Variants in STAG1 observed in about 807,000 individuals in gnomAD.
STAG1 encodes STAG1 cohesin complex component.
STAG1 carries 26 observed loss-of-function variants against 170.9 expected under a neutral mutation model. The ratio of observed to expected loss-of-function variants is 0.15; its 90% confidence interval spans 0.11 to 0.21. STAG1 has a LOEUF of 0.21. Ranked by LOEUF, STAG1 falls within the 10% of genes least tolerant of loss-of-function variation. The probability of loss-of-function intolerance (pLI) is 1.00; values close to 1 mark genes in which losing one functional copy is unlikely to be tolerated. For missense variants in STAG1, 964 were observed against 1,509.5 expected (o/e 0.64, Z 5.99); for synonymous variants, 514 against 497.7 (o/e 1.03, Z -0.44).
intron 1 of STAG1, among the ~76,000 whole-genome samples, chr3:136,705,565 C>T (rs375802345): frequency 1.3e-5 from 2 of 152,068 alleles, no homozygotes; most frequent in Non-Finnish European, 2.9e-5. Context: ...GTAATTGAAT[C>T]ATGGGGGTGG....
intron 1 of STAG1, among the ~76,000 whole-genome samples, chr3:136,707,514 G>A (rs1232099658): frequency 6.6e-6 from 1 of 152,162 alleles, no homozygotes; most frequent in Non-Finnish European, 1.5e-5. Flanking sequence ...TTAGAATAGG[G>A]TATTAGTCCA....
intron 1 of STAG1, among the ~76,000 whole-genome samples, chr3:136,740,515 T>G (rs940404270): frequency 2.6e-5 from 4 of 152,138 alleles, no homozygotes; most frequent in Admixed American, 1.3e-4. Context: ...GAGTCTCACT[T>G]TGTCACCCAG....
At chr3:136,432,540 C>T (rs777679111) in intron 16 of STAG1, among the ~76,000 whole-genome samples, 3 of 146,646 alleles carry the variant, frequency 2.0e-5, no homozygotes, top group Non-Finnish European at 4.5e-5. Context: ...CAGAGTCTTG[C>T]TCTGTCACCC....
At chr3:136,714,985 T>C (rs1429792946) in intron 1 of STAG1, among the ~76,000 whole-genome samples, 3 of 110,296 alleles carry the variant, frequency 2.7e-5, no homozygotes, top group African/African-American at 8.9e-5. Flanking sequence ...TATTTTTATA[T>C]ATATATTTTA....
intron 6 of STAG1, among the ~76,000 whole-genome samples, chr3:136,522,305 G>C (rs1241978392): frequency 6.6e-6 from 1 of 152,156 alleles, no homozygotes; most frequent in Non-Finnish European, 1.5e-5. Context: ...CCCAAGAACA[G>C]GTAACAAAAA....
At chr3:136,708,756 G>A (rs1373389380) in intron 1 of STAG1, among the ~76,000 whole-genome samples, 1 of 152,054 alleles carries the variant, frequency 6.6e-6, no homozygotes, top group Admixed American at 6.6e-5. Flanking sequence ...TAGGTGCTTA[G>A]TTTCACCCCT....
intron 4 of STAG1, among the ~76,000 whole-genome samples, chr3:136,585,573 G>A (rs1937774245): frequency 6.6e-6 from 1 of 151,408 alleles, no homozygotes; most frequent in South Asian, 2.1e-4. Flanking sequence ...CTCCAGCCTG[G>A]GTGACAGAGT....
intron 6 of STAG1, among the ~76,000 whole-genome samples, chr3:136,522,921 T>A (rs190131313): frequency 1.2e-4 from 19 of 152,120 alleles, no homozygotes; most frequent in African/African-American, 4.6e-4. Context: ...TGGCTGCATA[T>A]TATTCCACAG....
intron 1 of STAG1, among the ~76,000 whole-genome samples, chr3:136,712,950 G>C (rs1943424691): frequency 6.6e-6 from 1 of 152,112 alleles, no homozygotes; most frequent in Admixed American, 6.5e-5. Context: ...AATTAGCCAG[G>C]CACAGTGGCG....
chr3:136,536,857 T>C (rs1935660367), intron 6 of STAG1, among the ~76,000 whole-genome samples: 1 of 152,166 alleles, frequency 6.6e-6, no homozygotes, highest in South Asian at 2.1e-4. Flanking sequence ...GATAACAATA[T>C]TATAAACTAC....
At chr3:136,712,959 C>G (rs1449935989) in intron 1 of STAG1, among the ~76,000 whole-genome samples, 1 of 152,034 alleles carries the variant, frequency 6.6e-6, no homozygotes, top group Non-Finnish European at 1.5e-5. Context: ...GGCACAGTGG[C>G]GGGTGCCTGT....
intron 8 of STAG1, among the ~76,000 whole-genome samples, chr3:136,501,885 TA>T (rs1355263876): frequency 1.3e-5 from 2 of 152,058 alleles, no homozygotes; most frequent in Non-Finnish European, 2.9e-5. Flanking sequence ...TGTTTCCTAT[TA>T]AAAACCCAGT....
chr3:136,366,064 G>A (rs1326038673), intron 25 of STAG1, among the ~76,000 whole-genome samples: 1 of 151,900 alleles, frequency 6.6e-6, no homozygotes, highest in Non-Finnish European at 1.5e-5. Context: ...AGTAATTTAT[G>A]CATCTATCAC....
At chr3:136,553,530 C>T (rs554771820) in intron 5 of STAG1, among the ~76,000 whole-genome samples, 47 of 152,064 alleles carry the variant, frequency 3.1e-4, no homozygotes, top group Non-Finnish European at 6.5e-4. Flanking sequence ...AATCCCAGCA[C>T]TTTGGGAGGC....
At chr3:136,496,468 A>T (rs1402257907) in intron 9 of STAG1, among the ~76,000 whole-genome samples, 1 of 152,206 alleles carries the variant, frequency 6.6e-6, no homozygotes, top group Admixed American at 6.5e-5. Context: ...GACTACATTG[A>T]AATTAAATTA....
chr3:136,468,904 C>T (rs1252310532), intron 12 of STAG1, among the ~76,000 whole-genome samples: 4 of 152,028 alleles, frequency 2.6e-5, no homozygotes, highest in Non-Finnish European at 4.4e-5. Flanking sequence ...TATCTCAATA[C>T]ATGCAGAAAA....
chr3:136,377,767 C>A lies in STAG1; in HGVS notation c.2278-15G>T. The A allele has an allele frequency of 6.2e-7, 1 of 1,608,496 alleles. No homozygotes were observed. The highest frequency in any genetic ancestry group is 1.1e-5 in the South Asian group (1 of 90,832). ...AACAAATCCTCCTGTAAGACACATT[C>A]AAATTTGCAAGCGTGAATTACAGGA... On this transcript the variant is annotated splice_polypyrimidine_tract_variant and intron_variant, in intron 22 of 33. Transcript: ENST00000383202.
chr3:136,668,256 A>C (rs1941861006), intron 1 of STAG1, among the ~76,000 whole-genome samples: 1 of 147,510 alleles, frequency 6.8e-6, no homozygotes, highest in South Asian at 2.1e-4. Context: ...TATAAAACAC[A>C]TTATATATTA....
intron 6 of STAG1, among the ~76,000 whole-genome samples, chr3:136,541,567 C>CACAA (rs1243652650): frequency 5.3e-5 from 8 of 151,616 alleles, no homozygotes; most frequent in African/African-American, 1.9e-4. Context: ...CACACACACA[C>CACAA]ACACACACAC....
Sources: gnomAD v4.1 joint callset for allele counts (sites outside exome capture counted in the v4.1 genomes callset) on GRCh38, gnomAD v4.1.1 for gene constraint, MANE v1.5 for transcripts, NCBI Gene and HGNC (gene_info 2026-07-23, HGNC 2026-07-21) for gene names.